Variants in GALNT17 observed in about 807,000 individuals in gnomAD.
GALNT17 encodes UDP-GalNAc:polypeptide N-acetylgalactosaminyltransferase-like 3.
GALNT17 carries 29 observed loss-of-function variants against 63.7 expected under a neutral mutation model. That is an observed-to-expected ratio of 0.46 (90% CI 0.34 to 0.62). GALNT17 has a LOEUF of 0.62. GALNT17 is among the 20% of genes least tolerant of loss of function. GALNT17 has a pLI of 0.01. For synonymous variants in GALNT17, 305 were observed against 318.3 expected (o/e 0.96, Z 0.45); for missense variants, 603 against 799.6 (o/e 0.75, Z 2.97).
intron 3 of GALNT17, among the ~76,000 whole-genome samples, chr7:71,414,475 A>G (rs1311641633): frequency 6.6e-6 from 1 of 151,914 alleles, no homozygotes; most frequent in East Asian, 1.9e-4. Context: ...CTCCTTTAAT[A>G]CCTCCCAAAG....
chr7:71,501,215 C>T lies in GALNT17; in HGVS notation c.963-70070C>T, dbSNP rs566902840. 3.4e-4 allele frequency among the ~76,000 whole-genome samples: 52 copies of T among 152,054 alleles called. 1 individual carries two copies. In the East Asian group the frequency reaches 9.6e-3, roughly 28 times the overall value. ...AACTCCTGGCCTCAAATGATCCATC[C>T]TCCTCAGCCTCCCAAAGTACTGGGA... On this transcript the variant is annotated intron_variant, in intron 5 of 10. Transcript: ENST00000333538.
chr7:71,610,307 G>A lies in GALNT17; in HGVS notation c.1080+38905G>A, dbSNP rs868059569. 3.9e-5 allele frequency among the ~76,000 whole-genome samples: 6 copies of A among 151,910 alleles called. 1 individual carries two copies. Among genetic ancestry groups the A allele is most frequent in the Middle Eastern group, 6.9e-3 (2 of 290 alleles). On this transcript the variant is annotated intron_variant, in intron 6 of 10. Transcript: ENST00000333538. ...GGAGTTTGAGACCAACCTGGGCAAC[G>A]TAGCAAGACTCTATCTCTTTAAAAA...
chr7:71,457,738 C>G (rs985581267), intron 5 of GALNT17, among the ~76,000 whole-genome samples: 6 of 152,120 alleles, frequency 3.9e-5, no homozygotes, highest in African/African-American at 9.7e-5. Context: ...GGGTTTTAAC[C>G]AGTGTCTTTA....
chr7:71,669,987 A>G lies in GALNT17; in HGVS notation c.1282A>G (p.Ile428Val), dbSNP rs371770536. ...NLPLENPGID[I>V]GDVSERRALR... ...CTCCTTTCAGAATCCGGGAATTGAC[A>G]TCGGTGATGTCTCCGAAAGAAGAGC... Residue 428 changes from isoleucine (I) to valine (V), a missense_variant, in exon 8 of 11, where the codon ATC (isoleucine) becomes GTC (valine). By Grantham distance (29) the Ile-to-Val change is conservative. Coordinates refer to ENST00000333538, the MANE Select transcript of GALNT17 (RefSeq NM_022479.3). The G allele has an allele frequency of 1.9e-6, 3 of 1,614,106 alleles. No homozygotes were observed. Among genetic ancestry groups the G allele is most frequent in the Non-Finnish European group, 2.5e-6 (3 of 1,180,012 alleles).
At chr7:71,412,322 T>C in intron 3 of GALNT17, among the ~76,000 whole-genome samples, 1 of 152,060 alleles carries the variant, frequency 6.6e-6, no homozygotes, top group East Asian at 1.9e-4. Flanking sequence ...GTTCTAAGTC[T>C]TCTTCCCTGC....
intron 1 of GALNT17, among the ~76,000 whole-genome samples, chr7:71,158,863 C>A (rs1449467120): frequency 6.6e-6 from 1 of 151,868 alleles, no homozygotes; most frequent in Non-Finnish European, 1.5e-5. Flanking sequence ...GCGTGAGCCA[C>A]CACGCCCGGC....
rs549364000 is a variant in GALNT17 at position 71,536,329 on chromosome 7, G to T, written c.963-34956G>T. ...GACCCAGACCCTAGACACAGCCATG[G>T]CCTGGGCATTGTTCAGGGCTCTCAG... On this transcript the variant is annotated intron_variant, in intron 5 of 10. Transcript: ENST00000333538. 2.0e-3 allele frequency among the ~76,000 whole-genome samples: 305 copies of T among 152,310 alleles called. 2 individuals carry two copies. Among genetic ancestry groups the T allele is most frequent in the African/African-American group, 6.9e-3 (288 of 41,576 alleles).
At chr7:71,320,177 G>A (rs2115997453) in intron 1 of GALNT17, among the ~76,000 whole-genome samples, 1 of 152,224 alleles carries the variant, frequency 6.6e-6, no homozygotes, top group Non-Finnish European at 1.5e-5. Context: ...CCCCTGAATT[G>A]TGTGCATGAG....
rs188410691 is a variant in GALNT17, at chr7:71,487,444, G to T, written c.962+66339G>T. On this transcript the variant is annotated intron_variant, in intron 5 of 10. Coordinates refer to ENST00000333538, the MANE Select transcript of GALNT17 (RefSeq NM_022479.3). ...ACAGGCACCAAAAAGTCCATCCAGC[G>T]TCCAGGGAATAGTTGAGAGTTAAAC... is the stretch of plus-strand genomic sequence containing the variant. Among the ~76,000 whole-genome samples the T allele has an allele frequency of 2.5e-3, 378 of 152,226 alleles. 3 individuals are homozygous for T. Among genetic ancestry groups the T allele is most frequent in the South Asian group, 6.2e-4 (3 of 4,824 alleles).
chr7:71,498,905 T>C (rs1788136306), intron 5 of GALNT17, among the ~76,000 whole-genome samples: 2 of 152,362 alleles, frequency 1.3e-5, no homozygotes, highest in South Asian at 4.1e-4. Context: ...GTAGAAGCTC[T>C]GAGTTAAGCT....
intron 1 of GALNT17, among the ~76,000 whole-genome samples, chr7:71,149,345 TAAAC>T: frequency 6.6e-6 from 1 of 152,148 alleles, no homozygotes; most frequent in Non-Finnish European, 1.5e-5. Flanking sequence ...CTAAGGGAAA[TAAAC>T]AAATTGTCCA....
intron 1 of GALNT17, among the ~76,000 whole-genome samples, chr7:71,302,994 A>G (rs1438808281): frequency 6.6e-6 from 1 of 151,996 alleles, no homozygotes; most frequent in Non-Finnish European, 1.5e-5. Context: ...CCTCCCAAGT[A>G]GCTGGGACTA....
intron 9 of GALNT17, among the ~76,000 whole-genome samples, chr7:71,696,279 GTTTAT>G (rs112189690): frequency 0.64 from 96,446 of 150,928 alleles, 31,334 homozygotes; most frequent in East Asian, 0.92. Flanking sequence ...TGCCCAGCTA[GTTTAT>G]TTTATTTTTA....
At chr7:71,387,150 A>G (rs1015142099) in intron 2 of GALNT17, among the ~76,000 whole-genome samples, 4 of 151,782 alleles carry the variant, frequency 2.6e-5, no homozygotes, top group Non-Finnish European at 5.9e-5. Context: ...ATTTACATTT[A>G]ACCTGCTCTT....
At chr7:71,491,800 C>CT (rs1390049683) in intron 5 of GALNT17, among the ~76,000 whole-genome samples, 3 of 152,170 alleles carry the variant, frequency 2.0e-5, no homozygotes, top group African/African-American at 7.2e-5. Flanking sequence ...TGCTGCTGGC[C>CT]TGGGAGTCTC....
rs774357969 is a variant in GALNT17 at position 71,677,325 on chromosome 7, C to T, written c.1500+19C>T. The T allele has an allele frequency of 8.7e-6, 14 of 1,609,648 alleles. No individual in the cohort carries two copies. Among genetic ancestry groups the T allele is most frequent in the Non-Finnish European group, 1.2e-5 (14 of 1,177,276 alleles). On this transcript the variant is annotated intron_variant, in intron 9 of 10. Transcript: ENST00000333538. ...ACCACAGGTAGGAGCTCGTCTCTGA[C>T]CAGGAAGGAAGTAATATCACCATCT...
At chr7:71,136,685 A>T (rs960605076) in intron 1 of GALNT17, among the ~76,000 whole-genome samples, 9 of 151,828 alleles carry the variant, frequency 5.9e-5, no homozygotes, top group Non-Finnish European at 1.0e-4. Context: ...GGTTTTCGCC[A>T]TGTTGGTCAG....
intron 8 of GALNT17, among the ~76,000 whole-genome samples, chr7:71,674,510 T>C (rs1791118907): frequency 6.6e-6 from 1 of 151,614 alleles, no homozygotes; most frequent in Non-Finnish European, 1.5e-5. Flanking sequence ...TGCTGTTGGC[T>C]CTAGACAACT....
At chr7:71,584,381 A>G (rs1789684121) in intron 6 of GALNT17, among the ~76,000 whole-genome samples, 1 of 152,220 alleles carries the variant, frequency 6.6e-6, no homozygotes, top group African/African-American at 2.4e-5. Context: ...AGCACAGCAT[A>G]ATGAATCCAA....
Sources: gnomAD v4.1 joint callset for allele counts (sites outside exome capture counted in the v4.1 genomes callset) on GRCh38, gnomAD v4.1.1 for gene constraint, MANE v1.5 for transcripts, NCBI Gene and HGNC (gene_info 2026-07-23, HGNC 2026-07-21) for gene names.